The following THRB variants were observed in gnomAD, a reference collection of about 807,000 sequenced individuals.
The protein encoded by THRB is thyroid hormone receptor beta.
THRB carries 12 observed loss-of-function variants against 47.8 expected under a neutral mutation model. That is an observed-to-expected ratio of 0.25 (90% confidence interval 0.16 to 0.41). The LOEUF (loss-of-function observed/expected upper bound fraction) is 0.41, where lower values mean the gene tolerates loss of function less well. THRB is among the 10% of genes least tolerant of loss of function. THRB has a pLI of 1.00. For synonymous variants in THRB, 218 were observed against 212.2 expected, an observed-to-expected ratio of 1.03 and a Z score of -0.24; for missense variants, 348 against 589.2, an observed-to-expected ratio of 0.59 and a Z score of 4.24.
intron 4 of THRB, among the ~76,000 whole-genome samples, chr3:24,216,158 C>T (rs551215732): frequency 2.0e-5 from 3 of 152,274 alleles, no homozygotes; most frequent in South Asian, 4.1e-4. Context: ...AGTGTGAAGG[C>T]AAACAACTGA....
intron 5 of THRB, among the ~76,000 whole-genome samples, chr3:24,172,714 G>A (rs765982941): frequency 6.6e-6 from 1 of 152,168 alleles, no homozygotes; most frequent in Non-Finnish European, 1.5e-5. Flanking sequence ...GAACAAGACA[G>A]TCTCAGGGAC....
rs1467459460 is a variant in THRB, at chr3:24,152,428, C to T, written c.346G>A (p.Gly116Arg). 3 of 1,613,222 alleles carry T rather than the reference C, an allele frequency of 1.9e-6. No homozygotes were observed. Among genetic ancestry groups the T allele is most frequent in the Non-Finnish European group, 2.5e-6 (3 of 1,179,466 alleles). The stretch of plus-strand genomic sequence containing the variant: ...CACGTGATACAGCGGTAGTGATACC[C>T]GGTGGCTTTGTCACCACACACTACA... ...LCVVCGDKAT[G>R]YHYRCITCEG... Residue 116 changes from glycine (G) to arginine (R), a missense_variant, in exon 6 of 11, where the codon GGG (glycine) becomes AGG (arginine). Coordinates refer to ENST00000646209, the MANE Select transcript of THRB (RefSeq NM_001354712.2).
At chr3:24,197,176 A>G (rs2044050670) in intron 4 of THRB, among the ~76,000 whole-genome samples, 1 of 152,266 alleles carries the variant, frequency 6.6e-6, no homozygotes, top group African/African-American at 2.4e-5. Context: ...TCCTAGGGAC[A>G]TAATTCATGC....
chr3:24,223,839 A>G (rs2047387785), intron 4 of THRB, among the ~76,000 whole-genome samples: 1 of 152,096 alleles, frequency 6.6e-6, no homozygotes, highest in Non-Finnish European at 1.5e-5. Context: ...GAAAAGTTAA[A>G]CAAACAGGTT....
chr3:24,212,944 T>C (rs1395948504), intron 4 of THRB, among the ~76,000 whole-genome samples: 3 of 152,222 alleles, frequency 2.0e-5, no homozygotes, highest in Non-Finnish European at 4.4e-5. Context: ...CCAAGATAAC[T>C]GGCAGACGTT....
intron 5 of THRB, among the ~76,000 whole-genome samples, chr3:24,166,196 T>C (rs1321682624): frequency 6.6e-6 from 1 of 152,230 alleles, no homozygotes; most frequent in Non-Finnish European, 1.5e-5. Flanking sequence ...CTAATCTACA[T>C]GAGACCTAAA....
chr3:24,408,807 T>C (rs893609779), intron 1 of THRB, among the ~76,000 whole-genome samples: 5 of 151,614 alleles, frequency 3.3e-5, no homozygotes, highest in African/African-American at 1.2e-4. Flanking sequence ...ACAGTTCAAA[T>C]CATTACAGAA....
rs992357057 is a variant in THRB at position 24,299,108 on chromosome 3, C to T, written c.-188-1737G>A. Reference sequence around the variant, plus strand: ...TAAAAATACAAAAAAATTAGCTGGGCGTGGTGGCGGGCGCCTGTAGTCCCA... The same window carrying T: ...TAAAAATACAAAAAAATTAGCTGGGTGTGGTGGCGGGCGCCTGTAGTCCCA... On this transcript the variant is annotated intron_variant, in intron 2 of 10. Transcript: ENST00000646209. Among the ~76,000 whole-genome samples the T allele has an allele frequency of 5.9e-5, 9 of 151,522 alleles. No homozygotes were observed. In the East Asian group the frequency reaches 7.8e-4, roughly 13 times the overall value.
chr3:24,224,380 G>C (rs2047449812), intron 4 of THRB, among the ~76,000 whole-genome samples: 1 of 152,066 alleles, frequency 6.6e-6, no homozygotes, highest in South Asian at 2.1e-4. Flanking sequence ...CGTGTTTATT[G>C]ACAGCAGGAA....
At chr3:24,208,500 G>C (rs1387648438) in intron 4 of THRB, among the ~76,000 whole-genome samples, 9 of 152,104 alleles carry the variant, frequency 5.9e-5, no homozygotes, top group African/African-American at 2.2e-4. Context: ...CCAAAACAGA[G>C]ATATAGACCA....
chr3:24,132,303 C>T (rs367976558), intron 9 of THRB, among the ~76,000 whole-genome samples: 208 of 152,054 alleles, frequency 1.4e-3, no homozygotes, highest in African/African-American at 4.7e-3. Context: ...AAGAATCTTA[C>T]GAAATTTTTT....
At chr3:24,295,422 A>G (rs1464432166) in intron 3 of THRB, among the ~76,000 whole-genome samples, 1 of 152,234 alleles carries the variant, frequency 6.6e-6, no homozygotes, top group East Asian at 1.9e-4. Flanking sequence ...ATTGATTAGT[A>G]TGCAACTGCT....
intron 4 of THRB, among the ~76,000 whole-genome samples, chr3:24,203,734 G>A (rs1316528082): frequency 6.6e-6 from 1 of 152,168 alleles, no homozygotes; most frequent in African/African-American, 2.4e-5. Flanking sequence ...AAGCACAGGG[G>A]GTCAGGGAAT....
Position 24,190,104 on chromosome 3 carries a change from T to G in THRB, c.253A>C (p.Thr85Pro). The G allele has an allele frequency of 6.2e-7, 1 of 1,614,056 alleles. No homozygotes were observed. The highest frequency in any genetic ancestry group is 8.5e-7 in the Non-Finnish European group (1 of 1,179,930). The stretch of plus-strand genomic sequence containing the variant: ...CATTTCTTCTCCTCCGTTTGGAAGG[T>G]CTGGGCACTTGAGACACTCTGGTCG... The part of the protein sequence containing the change: ...VNDQSVSSAQ[T>P]FQTEEKKCKG... The change falls in exon 5 of 11, where the codon ACC (threonine) becomes CCC (proline). Residue 85 changes from threonine to proline, a missense_variant. Physicochemically the swap from Thr to Pro is conservative, Grantham distance 38 (BLOSUM62 -1). This residue lies in a region of THRB where 148 missense variants were observed against 122.3 expected (regional missense o/e 1.21). Transcript: ENST00000646209.
At chr3:24,433,520 TAGTTCTGC>T (rs1412773764) in intron 1 of THRB, among the ~76,000 whole-genome samples, 1 of 152,130 alleles carries the variant, frequency 6.6e-6, no homozygotes, top group East Asian at 1.9e-4. Flanking sequence ...CATGAGGAAT[TAGTTCTGC>T]AGACCCTTTG....
intron 3 of THRB, among the ~76,000 whole-genome samples, chr3:24,233,113 T>C (rs2048414489): frequency 6.6e-6 from 1 of 152,266 alleles, no homozygotes; most frequent in South Asian, 2.1e-4. Context: ...AAAGCAGGCA[T>C]TCACCTCTCA....
At chr3:24,243,814 A>C (rs2049831483) in intron 3 of THRB, among the ~76,000 whole-genome samples, 3 of 152,112 alleles carry the variant, frequency 2.0e-5, no homozygotes, top group Non-Finnish European at 4.4e-5. Flanking sequence ...CCAAGTGCTA[A>C]CACAGTGTGT....
chr3:24,488,016 C>T (rs143561952), intron 1 of THRB, among the ~76,000 whole-genome samples: 51 of 152,318 alleles, frequency 3.3e-4, no homozygotes, highest in Middle Eastern at 3.4e-3. Context: ...TTACAATACT[C>T]AACAGGTTCC....
At chr3:24,375,097 T>C (rs974414115) in intron 1 of THRB, among the ~76,000 whole-genome samples, 1 of 151,762 alleles carries the variant, frequency 6.6e-6, no homozygotes, top group African/African-American at 2.4e-5. Context: ...ACTTTCCTTT[T>C]ATAAAAGCTC....
Sources: allele counts gnomAD v4.1 joint callset (sites outside exome capture counted in the v4.1 genomes callset), GRCh38; gene constraint gnomAD v4.1.1; regional missense constraint gnomAD v4.1.1; transcripts MANE v1.5; gene names NCBI Gene and HGNC (gene_info 2026-07-23, HGNC 2026-07-21).